The following SMC4 variants were observed in gnomAD, a reference collection of about 807,000 sequenced individuals.
SMC4 encodes structural maintenance of chromosomes protein 4.
Under a neutral mutation model 145.6 loss-of-function variants are expected in SMC4, and 87 were observed. The observed-to-expected ratio is 0.60, with a 90% confidence interval of 0.50 to 0.71. The LOEUF is 0.71. Among genes scored for constraint, SMC4 ranks in the 30% least tolerant of loss-of-function variants. The pLI is 0.00. For missense variants in SMC4, 1,447 were observed against 1,537.1 expected, an observed-to-expected ratio of 0.94 and a Z score of 0.98; for synonymous variants, 558 against 500.7, an observed-to-expected ratio of 1.11 and a Z score of -1.53.
At chr3:160,420,944 T>G (rs1373333537) in intron 13 of SMC4, 43 bp downstream of exon 13, 1 of 1,531,606 alleles carries the variant, frequency 6.5e-7, no homozygotes, top group Non-Finnish European at 8.8e-7. Context: ...AATTTTTTTT[T>G]TTTGAGACGT....
chr3:160,428,630 C>T, intron 17 of SMC4, 123 bp from the exon 18 acceptor site: 3 of 785,850 alleles, frequency 3.8e-6, no homozygotes, highest in Non-Finnish European at 5.9e-6. Flanking sequence ...TGCTTTTTCC[C>T]ATATGCCTAA....
intron 5 of SMC4, among the ~76,000 whole-genome samples, chr3:160,409,483 A>G (rs1288578527): frequency 6.6e-6 from 1 of 152,144 alleles, no homozygotes; most frequent in Non-Finnish European, 1.5e-5. Flanking sequence ...GTTTCTTAAT[A>G]GCTGTACTCT....
Position 160,428,754 on chromosome 3 carries a change from A to G in SMC4, c.2607A>G (p.Glu869=). The part of the protein sequence containing the change: ...LEENVSAFKT[E]YDAVAEKAGK... ...AGGTTCTTTATTTTTTAATTTCAGA[A>G]TATGATGCTGTGGCTGAGAAAGCTG... Residue 869 remains glutamate, a splice_region_variant and synonymous_variant, in exon 18 of 24, where the codon GAA becomes GAG. Transcript: ENST00000357388. 3.2e-6 allele frequency: 5 copies of G among 1,575,318 alleles called. No individual in the cohort carries two copies. Among genetic ancestry groups the G allele is most frequent in the Non-Finnish European group, 4.3e-6 (5 of 1,170,212 alleles).
At chr3:160,429,168 T>TA (rs1399257554) in intron 18 of SMC4, among the ~76,000 whole-genome samples, 6 of 152,084 alleles carry the variant, frequency 3.9e-5, no homozygotes, top group African/African-American at 1.4e-4. Flanking sequence ...AAAGTACAGG[T>TA]AGACTGTAAC....
chr3:160,425,019 G>GGTTTGTGTGTGT lies in SMC4; in HGVS notation c.2478+2_2478+3insTTGTGTGTGTGT. On this transcript the variant is annotated inframe_insertion and splice_region_variant. Transcript: ENST00000357388. ...TAGAAAAATTTACTGCAAGCATCCA[G>GGTTTGTGTGTGT]GTATGTGTGTGTGTGTGTGTGTGTG... 4 of 1,226,940 alleles carry GGTTTGTGTGTGT rather than the reference G, an allele frequency of 3.3e-6. No individual in the cohort carries two copies. The highest frequency in any genetic ancestry group is 3.3e-6 in the Non-Finnish European group (3 of 904,414). 76.0% of individuals were successfully genotyped at this position (1,226,940 alleles called of 1,614,324 possible). A position where few individuals can be genotyped will look rare whatever the true frequency, so the allele number is the denominator to read the frequency against.
At chr3:160,401,350 G>GT (rs1174662073) in intron 2 of SMC4, among the ~76,000 whole-genome samples, 8 of 152,108 alleles carry the variant, frequency 5.3e-5, no homozygotes, top group African/African-American at 2.4e-5. Flanking sequence ...ATGATGAAAA[G>GT]TTTTTTGACC....
intron 2 of SMC4, 60 bp downstream of exon 2, chr3:160,401,025 CCCAGCCCGAGGCTG>C: frequency 7.4e-7 from 1 of 1,359,404 alleles, no homozygotes. Context: ...GGCAAACGCG[CCCAGCCCGAGGCTG>C]GCTGGGGTTG....
At chr3:160,418,367 A>G (rs1444886978) in intron 11 of SMC4, among the ~76,000 whole-genome samples, 1 of 152,154 alleles carries the variant, frequency 6.6e-6, no homozygotes, top group African/African-American at 2.4e-5. Flanking sequence ...GCATTCCAAA[A>G]TGTTATAAAC....
At chr3:160,413,142 A>C (rs6767319) in intron 7 of SMC4, among the ~76,000 whole-genome samples, 2,345 of 151,260 alleles carry the variant, frequency 0.016, 56 homozygotes, top group African/African-American at 0.049. Flanking sequence ...TTTTGTTTTT[A>C]TTTTTTCTTT....
chr3:160,414,464 G>A lies in SMC4; in HGVS notation c.1219G>A (p.Ala407Thr). The A allele has an allele frequency of 1.2e-6, 2 of 1,611,564 alleles. No individual in the cohort carries two copies. The highest frequency in any genetic ancestry group is 1.3e-5 in the African/African-American group (1 of 74,740). ...TCAAGTTAGAGAAAAGTTAAAACAT[G>A]CCACGAGTAAAGCCAAAAAACTGGA... ...DVQVREKLKH[A>T]TSKAKKLEKQ... Residue 407 changes from alanine (A) to threonine (T), a missense_variant, in exon 9 of 24, where the codon GCC becomes ACC. Coordinates refer to ENST00000357388, the MANE Select transcript of SMC4 (RefSeq NM_001002800.3).
rs146829694 is a variant in SMC4, at chr3:160,416,287, A to G, written c.1309A>G (p.Asn437Asp). 2.5e-6 allele frequency: 4 copies of G among 1,599,114 alleles called. No homozygotes were observed. The East Asian group carries it at 9.0e-5, about 36-fold the overall frequency. ...EFKSIPAKSN[N>D]IINETTTRNN... ...TAAAAGTATACCTGCCAAGAGTAAC[A>G]ATATCATTAATGAAACAACAACCAG... Residue 437 changes from asparagine to aspartate, a missense_variant, in exon 10 of 24, where the codon AAT (asparagine) becomes GAT (aspartate). By Grantham distance (23) the Asn-to-Asp change is conservative. Transcript: ENST00000357388.
At position 160,413,468 on chromosome 3, in the gene SMC4, T is replaced by C; in HGVS notation, c.981-5T>C. ...AATTTCTTTTTTTTTTTTTCCTCCC[T>C]ATAGTTATGAGTTGCAGAAACGAAT... On this transcript the variant is annotated splice_polypyrimidine_tract_variant and splice_region_variant and intron_variant, in intron 7 of 23. Coordinates refer to ENST00000357388, the MANE Select transcript of SMC4 (RefSeq NM_001002800.3). The C allele has an allele frequency of 6.4e-7, 1 of 1,573,084 alleles. No individual in the cohort carries two copies. The highest frequency in any genetic ancestry group is 8.6e-7 in the Non-Finnish European group (1 of 1,167,274).
chr3:160,431,862 C>G (rs1718442439), intron 21 of SMC4, 37 bp downstream of exon 21: 2 of 1,547,774 alleles, frequency 1.3e-6, no homozygotes, highest in Non-Finnish European at 1.7e-6. Flanking sequence ...AGTTGGAGTT[C>G]TTTTTAGTCC....
chr3:160,409,265 C>CAAAAAAAAAAAAAAA (rs10547167), intron 5 of SMC4, among the ~76,000 whole-genome samples: 3 of 61,978 alleles, frequency 4.8e-5, no homozygotes, highest in African/African-American at 5.9e-5. Flanking sequence ...AACTCCGTCT[C>CAAAAAAAAAAAAAAA]AAAAAAAAAA....
chr3:160,405,851 T>C (rs1238043133), intron 5 of SMC4, among the ~76,000 whole-genome samples: 3 of 152,046 alleles, frequency 2.0e-5, no homozygotes, highest in African/African-American at 4.8e-5. Context: ...TAAAAAGTTA[T>C]GTCCCTATAT....
At chr3:160,402,538 G>A in intron 3 of SMC4, 138 bp from the exon 4 acceptor site, 1 of 797,576 alleles carries the variant, frequency 1.3e-6, no homozygotes, top group Non-Finnish European at 2.0e-6. Context: ...TCGTATGCCT[G>A]TGATTAGCAA....
At chr3:160,424,595 T>C (rs1717564529) in intron 15 of SMC4, among the ~76,000 whole-genome samples, 1 of 152,034 alleles carries the variant, frequency 6.6e-6, no homozygotes, top group Non-Finnish European at 1.5e-5. Flanking sequence ...GATCACAAGG[T>C]CAGGAGTTCA....
chr3:160,403,122 C>A (rs756996563), intron 4 of SMC4, among the ~76,000 whole-genome samples: 3 of 151,908 alleles, frequency 2.0e-5, no homozygotes, highest in Non-Finnish European at 4.4e-5. Flanking sequence ...GTTTTAGGGT[C>A]CTGAGTACTA....
intron 8 of SMC4, chr3:160,413,815 C>G (rs1173861869): frequency 2.6e-6 from 1 of 381,318 alleles, no homozygotes; most frequent in Non-Finnish European, 4.7e-6. Flanking sequence ...AGTCTTAGAA[C>G]CGTGGGGATG....
Sources: gnomAD v4.1 joint callset for allele counts (sites outside exome capture counted in the v4.1 genomes callset) on GRCh38, gnomAD v4.1.1 for gene constraint, MANE v1.5 for transcripts, NCBI Gene and HGNC (gene_info 2026-07-23, HGNC 2026-07-21) for gene names.